KCNK3: variants seen among roughly 807,000 people sequenced by gnomAD.
The protein encoded by KCNK3 is potassium two pore domain channel subfamily K member 3.
KCNK3 carries 9 observed loss-of-function variants against 27.3 expected under a neutral mutation model. The observed-to-expected ratio is 0.33, with a 90% CI of 0.20 to 0.57. KCNK3 has a LOEUF of 0.57. Ranked by LOEUF, KCNK3 falls within the 20% of genes least tolerant of loss-of-function variation. The probability of loss-of-function intolerance (pLI) is 0.87; values close to 1 mark genes in which losing one functional copy is unlikely to be tolerated. For synonymous variants in KCNK3, 278 were observed against 273.8 expected, an observed-to-expected ratio of 1.02 and a Z score of -0.15; for missense variants, 391 against 577.7, an observed-to-expected ratio of 0.68 and a Z score of 3.31.
At chr2:26,711,418 G>A (rs1281867375) in intron 1 of KCNK3, among the ~76,000 whole-genome samples, 2 of 152,150 alleles carry the variant, frequency 1.3e-5, no homozygotes, top group African/African-American at 4.8e-5. Flanking sequence ...TCTCCCTAGA[G>A]GAGTGACTCC....
intron 1 of KCNK3, among the ~76,000 whole-genome samples, chr2:26,708,919 CGTG>C (rs1663049376): frequency 6.6e-6 from 1 of 152,048 alleles, no homozygotes; most frequent in African/African-American, 2.4e-5. Flanking sequence ...ACTGGACCAG[CGTG>C]GTGGTGGTGG....
intron 1 of KCNK3, among the ~76,000 whole-genome samples, chr2:26,716,850 G>A (rs1205607075): frequency 6.6e-6 from 1 of 152,216 alleles, no homozygotes; most frequent in East Asian, 1.9e-4. Context: ...ACTCAGATAA[G>A]TCTCAGGGAG....
At chr2:26,711,047 G>A (rs753057357) in intron 1 of KCNK3, among the ~76,000 whole-genome samples, 25 of 152,192 alleles carry the variant, frequency 1.6e-4, no homozygotes, top group African/African-American at 3.1e-4. Context: ...CCTGAGTGCC[G>A]GAGCTAACCA....
intron 1 of KCNK3, among the ~76,000 whole-genome samples, chr2:26,720,355 C>A (rs1471934901): frequency 2.6e-5 from 4 of 152,228 alleles, no homozygotes; most frequent in Non-Finnish European, 5.9e-5. Flanking sequence ...GCACCCAGAG[C>A]AGCCCTGGGG....
chr2:26,706,033 C>G (rs1019873644), intron 1 of KCNK3, among the ~76,000 whole-genome samples: 5 of 152,114 alleles, frequency 3.3e-5, no homozygotes, highest in Non-Finnish European at 5.9e-5. Flanking sequence ...TCTGAAGGAC[C>G]CCCCAGGCGA....
rs1316590881 is a variant in KCNK3, at chr2:26,728,149, C to T, written c.766C>T (p.Arg256Cys). 2 of 1,587,620 alleles carry T rather than the reference C, an allele frequency of 1.3e-6. No homozygotes were observed. The highest frequency in any genetic ancestry group is 1.7e-6 in the Non-Finnish European group (2 of 1,166,948). Reference sequence around the variant, plus strand: ...GACCATGAACGCCGAGGACGAGAAGCGCGACGCCGAGCACCGCGCGCTGCT... The same window carrying T: ...GACCATGAACGCCGAGGACGAGAAGTGCGACGCCGAGCACCGCGCGCTGCT... ...FMTMNAEDEK[R>C]DAEHRALLTR... The change falls in exon 2 of 2, where the codon CGC (arginine) becomes TGC (cysteine). Residue 256 changes from arginine (R) to cysteine (C), a missense_variant. This residue lies in a region of KCNK3 where 38 missense variants were observed against 80.5 expected (regional missense o/e 0.47). Coordinates refer to ENST00000302909, the MANE Select transcript of KCNK3 (RefSeq NM_002246.3).
At chr2:26,719,416 G>C (rs57976120) in intron 1 of KCNK3, among the ~76,000 whole-genome samples, 1 of 152,046 alleles carries the variant, frequency 6.6e-6, no homozygotes, top group Non-Finnish European at 1.5e-5. Flanking sequence ...CCCCTCATCA[G>C]AACCCTGCAT....
At chr2:26,708,344 C>T (rs1670401055) in intron 1 of KCNK3, among the ~76,000 whole-genome samples, 1 of 152,124 alleles carries the variant, frequency 6.6e-6, no homozygotes, top group Admixed American at 6.5e-5. Context: ...TCTGTAAGGG[C>T]TGGACACTGC....
intron 1 of KCNK3, among the ~76,000 whole-genome samples, chr2:26,705,888 G>T (rs1670366196): frequency 6.6e-6 from 1 of 152,114 alleles, no homozygotes; most frequent in Admixed American, 6.5e-5. Context: ...TGGGGGGCAG[G>T]TCAGACGGCC....
intron 1 of KCNK3, among the ~76,000 whole-genome samples, chr2:26,720,716 G>C (rs1558602215): frequency 6.6e-6 from 1 of 152,188 alleles, no homozygotes; most frequent in South Asian, 2.1e-4. Flanking sequence ...GCTGCTGGGG[G>C]TAGTGGGGGG....
intron 1 of KCNK3, among the ~76,000 whole-genome samples, chr2:26,705,375 C>T (rs370224928): frequency 6.6e-6 from 1 of 152,286 alleles, no homozygotes; most frequent in Non-Finnish European, 1.5e-5. Context: ...ATGTTAAGCA[C>T]TCGGTCATCG....
intron 1 of KCNK3, among the ~76,000 whole-genome samples, chr2:26,727,283 T>C (rs1161013929): frequency 6.6e-6 from 1 of 152,130 alleles, no homozygotes; most frequent in Non-Finnish European, 1.5e-5. Context: ...AGCTGACCTG[T>C]GCCCTCACAC....
At chr2:26,716,542 T>A (rs1486064521) in intron 1 of KCNK3, among the ~76,000 whole-genome samples, 2 of 152,022 alleles carry the variant, frequency 1.3e-5, no homozygotes, top group Non-Finnish European at 2.9e-5. Flanking sequence ...ACTTTTGAAA[T>A]GGGCTTTGAT....
At chr2:26,726,906 G>C (rs548953984) in intron 1 of KCNK3, among the ~76,000 whole-genome samples, 1 of 152,296 alleles carries the variant, frequency 6.6e-6, no homozygotes, top group African/African-American at 2.4e-5. Flanking sequence ...TCCTACATCA[G>C]GTCAAGTACA....
chr2:26,714,089 A>AG (rs1663181572), intron 1 of KCNK3, among the ~76,000 whole-genome samples: 1 of 151,868 alleles, frequency 6.6e-6, no homozygotes, highest in South Asian at 2.1e-4. Context: ...AAAAAAAAAA[A>AG]GAAAAGAAAA....
rs1670196335 is a variant in KCNK3, at chr2:26,693,465, C to A, written c.283+307C>A. Among the ~76,000 whole-genome samples, 1 of 152,348 alleles carries A rather than the reference C, an allele frequency of 6.6e-6. No homozygotes were observed. Among genetic ancestry groups the A allele is most frequent in the East Asian group, 1.9e-4 (1 of 5,184 alleles). On this transcript the variant is annotated intron_variant, in intron 1 of 1. Transcript: ENST00000302909. The surrounding 1 kb of genome is among the most constrained non-coding windows in gnomAD (Gnocchi z 5.5). The stretch of plus-strand genomic sequence containing the variant: ...GAGGGGCAGGGACGACCGGCGGAGG[C>A]TCGGGCAGGAGGGGTGTGGCCGGGC...
chr2:26,728,015 AC>A lies in KCNK3; in HGVS notation c.634del (p.Gln212ArgfsTer36). ...GFGDYVALQK[D>X]QALQTQPQYV... ...GGCGACTACGTGGCGCTGCAGAAGG[AC>A]CAGGCCCTGCAGACGCAGCCGCAGT... is the stretch of plus-strand genomic sequence containing the variant. On this transcript the variant is annotated frameshift_variant, in exon 2 of 2. Transcript: ENST00000302909. LOFTEE classifies it high-confidence loss of function. 6.2e-7 allele frequency: 1 copy of A among 1,614,226 alleles called. No individual in the cohort carries two copies. The highest frequency in any genetic ancestry group is 8.5e-7 in the Non-Finnish European group (1 of 1,180,036).
chr2:26,712,683 G>C (rs1663147023), intron 1 of KCNK3, among the ~76,000 whole-genome samples: 1 of 151,980 alleles, frequency 6.6e-6, no homozygotes, highest in Admixed American at 6.6e-5. Flanking sequence ...GTGTGTGTGT[G>C]TGTGTGTGTG....
intron 1 of KCNK3, among the ~76,000 whole-genome samples, chr2:26,701,279 G>A (rs567507811): frequency 4.6e-5 from 7 of 152,336 alleles, no homozygotes; most frequent in African/African-American, 1.7e-4. Context: ...GCTTCCCTGA[G>A]GCTGGAGCAA....
Sources: gnomAD v4.1 joint callset for allele counts (sites outside exome capture counted in the v4.1 genomes callset) on GRCh38, gnomAD v4.1.1 for gene constraint, gnomAD v4.1.1 regional missense constraint, Gnocchi (gnomAD v3.1) non-coding constraint, MANE v1.5 for transcripts, NCBI Gene and HGNC (gene_info 2026-07-23, HGNC 2026-07-21) for gene names.